The following TTLL3 variants were observed in gnomAD, a reference collection of about 807,000 sequenced individuals.
TTLL3 encodes the protein tubulin monoglycylase TTLL3.
In TTLL3, 63 loss-of-function variants were observed where a neutral mutation model predicts 75.2. The ratio of observed to expected loss-of-function variants is 0.84; its 90% CI spans 0.68 to 1.03. The LOEUF is 1.03. Among genes scored for constraint, TTLL3 ranks in the 50% least tolerant of loss-of-function variants. The pLI, the probability that TTLL3 is intolerant of heterozygous loss-of-function variation, is 0.00. For missense variants in TTLL3, 997 were observed against 1,069.9 expected (o/e 0.93, Z 0.95); for synonymous variants, 393 against 418.5 (o/e 0.94, Z 0.74).
chr3:9,819,244 A>C, intron 7 of TTLL3: 10 of 292,670 alleles, frequency 3.4e-5, no homozygotes, highest in South Asian at 2.4e-4. Flanking sequence ...CCATCTATCC[A>C]CTCCCTGCCT....
At position 9,819,707 on chromosome 3, in the gene TTLL3, C is replaced by T. The variant is rs939897155; in HGVS notation, c.658+787C>T. 1.0e-5 allele frequency: 10 copies of T among 985,356 alleles called. No homozygotes were observed. In the African/African-American group the frequency reaches 1.7e-4, roughly 17 times the overall value. 61.0% of individuals were successfully genotyped at this position (985,356 alleles called of 1,614,324 possible). ...GGCTCCTAGTCCTGTAATCCAGGGA[C>T]CCATCAGCGAGGGATTCAGGGAAGC... On this transcript the variant is annotated intron_variant, in intron 7 of 13. Transcript: ENST00000685419.
At chr3:9,829,906 G>C (rs1213746897) in intron 11 of TTLL3, among the ~76,000 whole-genome samples, 1 of 152,150 alleles carries the variant, frequency 6.6e-6, no homozygotes, top group Non-Finnish European at 1.5e-5. Context: ...GCAGTGGCAT[G>C]ATCTTGGCTC....
Position 9,834,855 on chromosome 3 carries a change from TC to T in TTLL3, c.2003del (p.Pro668HisfsTer13). ...TLPTAKVFIS[L>X]PPNLDFKVAP... is the part of the protein sequence containing the mutation. ...CCCACGGCTAAGGTCTTCATTTCCC[TC>T]CCACCGAACCTTGATTTCAAGGTGG... On this transcript the variant is annotated frameshift_variant, in exon 13 of 14. Coordinates refer to ENST00000685419, the MANE Select transcript of TTLL3 (RefSeq NM_001387446.1). LOFTEE classifies it high-confidence loss of function. 6.2e-7 allele frequency: 1 copy of T among 1,614,098 alleles called. No individual in the cohort carries two copies. Among genetic ancestry groups the T allele is most frequent in the Non-Finnish European group, 8.5e-7 (1 of 1,180,014 alleles).
chr3:9,827,609 G>T, intron 10 of TTLL3: 1 of 247,926 alleles, frequency 4.0e-6, no homozygotes, highest in Non-Finnish European at 8.0e-6. Context: ...ATGTTGCCCA[G>T]GTTGGTCTCA....
At chr3:9,826,592 G>A (rs986860046) in intron 9 of TTLL3, among the ~76,000 whole-genome samples, 5 of 151,922 alleles carry the variant, frequency 3.3e-5, no homozygotes, top group African/African-American at 4.8e-5. Context: ...AATTGGCCAC[G>A]TGTGGTGGCA....
rs1042922885 is a variant in TTLL3, at chr3:9,810,787, C to A, written c.48+78C>A. 4 of 1,313,694 alleles carry A rather than the reference C, an allele frequency of 3.0e-6. No homozygotes were observed. Among genetic ancestry groups the A allele is most frequent in the Non-Finnish European group, 4.1e-6 (4 of 966,390 alleles). The allele number at this position is 1,313,694 out of a possible 1,614,324, so 81.4% of individuals were successfully genotyped here. On this transcript the variant is annotated intron_variant, in intron 2 of 13. Transcript: ENST00000685419. This position sits in a 1 kb window ranked among gnomAD's most constrained non-coding sequence, Gnocchi z 4.4. The stretch of plus-strand genomic sequence containing the variant: ...GTCTCCCTGCGCTGTTTTCTTATAT[C>A]CTTAAAAAACAAAAGCAAAAGAAAA...
chr3:9,818,782 G>A, intron 6 of TTLL3, 40 bp from the exon 7 acceptor site: 1 of 1,613,706 alleles, frequency 6.2e-7, no homozygotes, highest in South Asian at 1.1e-5. Flanking sequence ...CAGGCCTCAA[G>A]CCTAGGGGCT....
At chr3:9,821,561 G>A (rs71314365) in intron 8 of TTLL3, among the ~76,000 whole-genome samples, 2,359 of 152,266 alleles carry the variant, frequency 0.015, 60 homozygotes, top group East Asian at 0.075. Flanking sequence ...AGGGGAAACC[G>A]AAGAACTAAT....
At position 9,835,394 on chromosome 3, in the gene TTLL3, CAAGTG is replaced by C; in HGVS notation, c.2358_2362del (p.Lys787PhefsTer4). On this transcript the variant is annotated frameshift_variant, in exon 14 of 14. Coordinates refer to ENST00000685419, the MANE Select transcript of TTLL3 (RefSeq NM_001387446.1). LOFTEE classifies it low-confidence loss of function (END_TRUNC). ...GGATCCAACACCAAATAAAAAGAAA[CAAGTG>C]AAGTATTTGGGGCTTGACTCCATTG... is the stretch of plus-strand genomic sequence containing the variant. The C allele has an allele frequency of 1.3e-5, 21 of 1,613,822 alleles. No homozygotes were observed. The highest frequency in any genetic ancestry group is 1.4e-5 in the Non-Finnish European group (17 of 1,180,036).
chr3:9,814,545 G>A (rs2079646092), intron 4 of TTLL3, among the ~76,000 whole-genome samples: 4 of 150,050 alleles, frequency 2.7e-5, no homozygotes. Context: ...CTACTTGGGA[G>A]GCTGAGGCAG....
At chr3:9,832,502 C>T (rs1206470101) in intron 11 of TTLL3, among the ~76,000 whole-genome samples, 2 of 152,174 alleles carry the variant, frequency 1.3e-5, no homozygotes, top group South Asian at 2.1e-4. Flanking sequence ...TAGCAAGGCA[C>T]AGGGAGCTCT....
chr3:9,810,215 C>T, upstream of TTLL3: 1 of 1,493,242 alleles, frequency 6.7e-7, no homozygotes, highest in Non-Finnish European at 8.8e-7. This position sits in a 1 kb window ranked among gnomAD's most constrained non-coding sequence, Gnocchi z 4.4. Flanking sequence ...GGCCCTGCCT[C>T]CGCCCAGTCC....
At chr3:9,829,427 A>G (rs764340451) in intron 11 of TTLL3, 32 bp downstream of exon 11, 5 of 1,555,566 alleles carry the variant, frequency 3.2e-6, no homozygotes, top group Non-Finnish European at 4.4e-6. Flanking sequence ...AGGACCCCAG[A>G]GAGTCTGCAC....
intron 11 of TTLL3, among the ~76,000 whole-genome samples, chr3:9,830,535 A>G (rs2081421476): frequency 6.6e-6 from 1 of 152,158 alleles, no homozygotes; most frequent in Non-Finnish European, 1.5e-5. Context: ...CGCCTTTGTT[A>G]CAGTTGTTAT....
intron 7 of TTLL3, chr3:9,819,150 TCC>T (rs2080179485): frequency 1.8e-6 from 1 of 564,326 alleles, no homozygotes; most frequent in Non-Finnish European, 3.1e-6. Flanking sequence ...CACCCACCCT[TCC>T]ACTCATCCTT....
chr3:9,833,900 C>G (rs2081828563), intron 12 of TTLL3, among the ~76,000 whole-genome samples: 1 of 151,964 alleles, frequency 6.6e-6, no homozygotes, highest in Admixed American at 6.6e-5. Flanking sequence ...CACTTGAGGT[C>G]AGGAGTTCGA....
upstream of TTLL3, chr3:9,810,036 G>T: frequency 8.5e-7 from 1 of 1,179,300 alleles, no homozygotes; most frequent in South Asian, 2.3e-5. This position sits in a 1 kb window ranked among gnomAD's most constrained non-coding sequence, Gnocchi z 4.4. Flanking sequence ...CACTGCTCCT[G>T]AGCGCGAGGG....
chr3:9,834,442 G>GT (rs1262562477), intron 12 of TTLL3: 4 of 712,194 alleles, frequency 5.6e-6, no homozygotes, highest in Non-Finnish European at 1.0e-5. Flanking sequence ...GTATCAGGAA[G>GT]TTTAAGGAAG....
At chr3:9,819,976 G>A (rs1179565017) in intron 7 of TTLL3, 2 of 986,790 alleles carry the variant, frequency 2.0e-6, no homozygotes, top group African/African-American at 3.5e-5. Flanking sequence ...TCAGGGGTGA[G>A]TCAGGTCTGT....
Sources: gnomAD v4.1 joint callset for allele counts (sites outside exome capture counted in the v4.1 genomes callset) on GRCh38, gnomAD v4.1.1 for gene constraint, Gnocchi (gnomAD v3.1) non-coding constraint, MANE v1.5 for transcripts, NCBI Gene and HGNC (gene_info 2026-07-23, HGNC 2026-07-21) for gene names.